IL17RD: variants seen among roughly 807,000 people sequenced by gnomAD.
IL17RD encodes interleukin-17 receptor D.
IL17RD carries 52 observed loss-of-function variants against 80.5 expected under a neutral mutation model. That is an observed-to-expected ratio of 0.65 (90% CI 0.52 to 0.81). IL17RD has a LOEUF of 0.81. Ranked by LOEUF, IL17RD falls within the 40% of genes least tolerant of loss-of-function variation. IL17RD has a pLI of 0.00. For synonymous variants in IL17RD, 416 were observed against 391.8 expected (o/e 1.06, Z -0.73); for missense variants, 1,024 against 955.1 (o/e 1.07, Z -0.95).
At chr3:57,127,181 C>CATATATAT (rs796997910) in intron 1 of IL17RD, among the ~76,000 whole-genome samples, 1 of 109,118 alleles carries the variant, frequency 9.2e-6, no homozygotes, top group South Asian at 2.6e-4. Flanking sequence ...AAGGCCAACT[C>CATATATAT]ATATATATAT....
At chr3:57,146,642 C>G (rs973391951) in intron 1 of IL17RD, among the ~76,000 whole-genome samples, 13 of 150,210 alleles carry the variant, frequency 8.7e-5, no homozygotes, top group Non-Finnish European at 7.4e-5. Flanking sequence ...CCCAGCTACT[C>G]AGGAGGCTGA....
At chr3:57,116,314 G>T (rs558123691) in intron 2 of IL17RD, among the ~76,000 whole-genome samples, 2 of 129,254 alleles carry the variant, frequency 1.5e-5, no homozygotes, top group Non-Finnish European at 3.2e-5. Flanking sequence ...ACAGAGTTTC[G>T]CTCTTGTTGC....
intron 2 of IL17RD, among the ~76,000 whole-genome samples, chr3:57,119,697 T>C (rs4446189): frequency 1.8e-4 from 5 of 27,362 alleles, no homozygotes; most frequent in Non-Finnish European, 3.4e-4. Context: ...CAGATTCACC[T>C]TGTGTGAATT....
intron 1 of IL17RD, among the ~76,000 whole-genome samples, chr3:57,126,848 G>A (rs370751566): frequency 1.3e-4 from 20 of 151,460 alleles, no homozygotes; most frequent in East Asian, 1.2e-3. Context: ...TTTTTGAGGC[G>A]GAGTCTTGCT....
In IL17RD at chr3:57,118,993, G is replaced by T. The variant is rs1014540528; in HGVS notation, c.184+1263C>A. ...GGCAGAGGCGGGCAGATAACTTGAG[G>T]CCAGGAGTTCAAGACCAGCCTGGCT... On this transcript the variant is annotated intron_variant, in intron 2 of 12. Coordinates refer to ENST00000296318, the MANE Select transcript of IL17RD (RefSeq NM_017563.5). Among the ~76,000 whole-genome samples the T allele has an allele frequency of 2.6e-5, 4 of 151,708 alleles. No individual in the cohort carries two copies. The South Asian group carries it at 6.3e-4, about 24-fold the overall frequency.
chr3:57,101,957 A>G (rs1706840036), intron 10 of IL17RD, among the ~76,000 whole-genome samples: 1 of 152,092 alleles, frequency 6.6e-6, no homozygotes, highest in Admixed American at 6.5e-5. Flanking sequence ...TTACTCTCCT[A>G]TCATTGAAAA....
At chr3:57,104,144 ATTTG>A (rs1248458359) in intron 8 of IL17RD, among the ~76,000 whole-genome samples, 194 bp downstream of exon 8, 10 of 151,990 alleles carry the variant, frequency 6.6e-5, no homozygotes, top group East Asian at 1.9e-4. Context: ...ACATAAAAAT[ATTTG>A]TTTGAAATAT....
chr3:57,147,174 G>C (rs2107532090), intron 1 of IL17RD, among the ~76,000 whole-genome samples: 1 of 152,150 alleles, frequency 6.6e-6, no homozygotes, highest in South Asian at 2.1e-4. Context: ...ATGAGTACAT[G>C]TATACTGCTG....
chr3:57,097,984 G>A lies in IL17RD; in HGVS notation c.1719C>T (p.Arg573=). ...QFVPFHPPPL[R]YREPVLEKFD... is the part of the protein sequence containing the mutation. ...ATTTCTCCAAGACTGGCTCCCGGTA[G>A]CGCAGTGGAGGAGGATGGAAGGGAA... Residue 573 remains arginine, a synonymous_variant, in exon 12 of 13, where the codon CGC becomes CGT. Coordinates refer to ENST00000296318, the MANE Select transcript of IL17RD (RefSeq NM_017563.5). The A allele has an allele frequency of 6.2e-7, 1 of 1,614,066 alleles. No individual in the cohort carries two copies. The highest frequency in any genetic ancestry group is 1.1e-5 in the South Asian group (1 of 91,086).
intron 2 of IL17RD, among the ~76,000 whole-genome samples, chr3:57,119,036 T>G (rs77129607): frequency 0.031 from 4,715 of 150,938 alleles, 235 homozygotes; most frequent in African/African-American, 0.11. Context: ...CAAAACCCAG[T>G]CTCTACTAAA....
intron 1 of IL17RD, chr3:57,150,209 A>G (rs1019443798): frequency 2.4e-4 from 36 of 152,232 alleles, no homozygotes; most frequent in African/African-American, 8.2e-4. Flanking sequence ...TCTGGTGTTC[A>G]GCCAGGTTTG....
At position 57,119,861 on chromosome 3, in the gene IL17RD, C is replaced by T. The variant is rs576535902; in HGVS notation, c.184+395G>A. The stretch of plus-strand genomic sequence containing the variant: ...GCCACCATATTTGGAATTAAGGAGT[C>T]AAGGCTCCCCTCAGACTAGACATGA... On this transcript the variant is annotated intron_variant, in intron 2 of 12. Coordinates refer to ENST00000296318, the MANE Select transcript of IL17RD (RefSeq NM_017563.5). Among the ~76,000 whole-genome samples the T allele has an allele frequency of 1.3e-5, 2 of 152,356 alleles. 1 individual carries two copies. Among genetic ancestry groups the T allele is most frequent in the African/African-American group, 4.8e-5 (2 of 41,584 alleles).
intron 1 of IL17RD, among the ~76,000 whole-genome samples, chr3:57,163,787 GGGGGGC>G (rs1202180450): frequency 2.9e-5 from 3 of 103,410 alleles, no homozygotes; most frequent in African/African-American, 1.5e-4. Flanking sequence ...TAATGGGGCG[GGGGGGC>G]GGGGGGGGAA....
rs1706601093 is a variant in IL17RD at position 57,093,373 on chromosome 3, G to A, written c.*3020C>T. On this transcript the variant is annotated 3_prime_UTR_variant, in exon 13 of 13. Transcript: ENST00000296318. Reference sequence around the variant, plus strand: ...GCCAAATTAGTGTTGAAGTTGGGGGGCCAGAGAGTTTTCTTTCTTTTGGGA... The same window carrying A: ...GCCAAATTAGTGTTGAAGTTGGGGGACCAGAGAGTTTTCTTTCTTTTGGGA... The A allele has an allele frequency of 6.6e-6, 1 of 152,082 alleles. No homozygotes were observed. The highest frequency in any genetic ancestry group is 6.6e-5 in the Admixed American group (1 of 15,264). 9.4% of individuals were successfully genotyped at this position (152,082 alleles called of 1,614,324 possible).
chr3:57,120,393 A>C, intron 1 of IL17RD, 80 bp from the exon 2 acceptor site: 1 of 979,976 alleles, frequency 1.0e-6, no homozygotes. Flanking sequence ...GTCCAAATGC[A>C]AGCAGCACTG....
rs977246636 is a variant in IL17RD, at chr3:57,125,277, G to A, written c.127-4964C>T. Among the ~76,000 whole-genome samples the A allele has an allele frequency of 2.0e-5, 3 of 152,086 alleles. No homozygotes were observed. In the South Asian group the frequency reaches 6.2e-4, roughly 32 times the overall value. On this transcript the variant is annotated intron_variant, in intron 1 of 12. Coordinates refer to ENST00000296318, the MANE Select transcript of IL17RD (RefSeq NM_017563.5). ...CGAAAATTAGCCAGGCGTGGTGGTG[G>A]GTGCCTGTAATCCCAGCTACTTGGA...
At chr3:57,148,597 T>C (rs1425887238) in intron 1 of IL17RD, among the ~76,000 whole-genome samples, 2 of 152,140 alleles carry the variant, frequency 1.3e-5, no homozygotes, top group East Asian at 1.9e-4. Flanking sequence ...TTATAACACA[T>C]TTGGAAAAGT....
intron 1 of IL17RD, among the ~76,000 whole-genome samples, chr3:57,147,503 C>T (rs994704637): frequency 1.3e-5 from 2 of 152,186 alleles, no homozygotes; most frequent in African/African-American, 4.8e-5. Flanking sequence ...AGCCACAAAT[C>T]CTTTGACCCA....
At position 57,097,703 on chromosome 3, in the gene IL17RD, G is replaced by A. The variant is rs754263562; in HGVS notation, c.2000C>T (p.Ser667Leu). ...DMPRDSGIYD[S>L]SVPSSELSLP... ...AGACAGCTCGGATGAGGGCACAGAC[G>A]AGTCATAGATGCCTGAGTCCCGCGG... Residue 667 changes from serine (S) to leucine (L), a missense_variant, in exon 12 of 13, where the codon TCG becomes TTG. Ser to Leu is a moderately radical substitution (Grantham distance 145). Coordinates refer to ENST00000296318, the MANE Select transcript of IL17RD (RefSeq NM_017563.5). The A allele has an allele frequency of 1.1e-5, 18 of 1,605,202 alleles. No homozygotes were observed. The highest frequency in any genetic ancestry group is 1.6e-4 in the Middle Eastern group (1 of 6,062).
Sources: gnomAD v4.1 joint callset for allele counts (sites outside exome capture counted in the v4.1 genomes callset) on GRCh38, gnomAD v4.1.1 for gene constraint, MANE v1.5 for transcripts, NCBI Gene and HGNC (gene_info 2026-07-23, HGNC 2026-07-21) for gene names.